Variants in TBP observed in about 807,000 individuals in gnomAD.
TBP encodes the protein TATA-box-binding protein.
Under a neutral mutation model 46.2 loss-of-function variants are expected in TBP, and 12 were observed. The observed-to-expected ratio is 0.26, with a 90% confidence interval of 0.17 to 0.42. The LOEUF (loss-of-function observed/expected upper bound fraction) is 0.42. Among genes scored for constraint, TBP ranks in the 10% least tolerant of loss-of-function variants. TBP has a pLI of 1.00. For missense variants in TBP, 229 were observed against 403.1 expected (o/e 0.57, Z 3.70); for synonymous variants, 157 against 148.3 (o/e 1.06, Z -0.42).
At chr6:170,565,395 G>A (rs989679881) in intron 4 of TBP, among the ~76,000 whole-genome samples, 3 of 152,188 alleles carry the variant, frequency 2.0e-5, no homozygotes, top group African/African-American at 7.2e-5. Context: ...AGTAGGCAAA[G>A]TAATTTGGAT....
chr6:170,557,809 T>G (rs1446622058), intron 2 of TBP, among the ~76,000 whole-genome samples: 1 of 151,870 alleles, frequency 6.6e-6, no homozygotes, highest in Non-Finnish European at 1.5e-5. Flanking sequence ...ATTTTAAGTG[T>G]CTGTTTTGAT....
chr6:170,572,337 A>G lies in TBP; in HGVS notation c.*72A>G. 8 of 1,219,190 alleles carry G rather than the reference A, an allele frequency of 6.6e-6. No individual in the cohort carries two copies. Among genetic ancestry groups the G allele is most frequent in the Non-Finnish European group, 9.4e-6 (8 of 848,860 alleles). The allele number at this position is 1,219,190 out of a possible 1,614,324, so 75.5% of individuals were successfully genotyped here. On this transcript the variant is annotated 3_prime_UTR_variant, in exon 8 of 8. Coordinates refer to ENST00000392092, the MANE Select transcript of TBP (RefSeq NM_003194.5). ...TTTAAACAAATCAGTTTGTTTTGGT[A>G]CCTTTAAATGGTGGTGTTGTGAGAA...
chr6:170,563,151 G>A (rs1279886533), intron 3 of TBP, among the ~76,000 whole-genome samples: 1 of 152,134 alleles, frequency 6.6e-6, no homozygotes, highest in Non-Finnish European at 1.5e-5. Context: ...TTTAGAGAGA[G>A]CCCTTTTTAG....
At chr6:170,571,092 C>A (rs542206881) in intron 6 of TBP, among the ~76,000 whole-genome samples, 4 of 152,180 alleles carry the variant, frequency 2.6e-5, no homozygotes, top group South Asian at 4.1e-4. Flanking sequence ...CATTAGATAT[C>A]ATTATATCTA....
At chr6:170,556,516 A>C (rs1265988601) in intron 1 of TBP, among the ~76,000 whole-genome samples, 1 of 152,212 alleles carries the variant, frequency 6.6e-6, no homozygotes, top group East Asian at 1.9e-4. Flanking sequence ...ACTTTGCCTA[A>C]CAGTGCTGTG....
intron 4 of TBP, 71 bp from the exon 5 acceptor site, chr6:170,566,844 TCAA>T: frequency 4.5e-6 from 6 of 1,324,654 alleles, no homozygotes; most frequent in Non-Finnish European, 5.3e-6. Context: ...GATTTTTTTG[TCAA>T]TGGGTGGTTC....
chr6:170,555,478 T>A (rs1779003314), intron 1 of TBP, among the ~76,000 whole-genome samples: 1 of 152,230 alleles, frequency 6.6e-6, no homozygotes, highest in African/African-American at 2.4e-5. Flanking sequence ...GCAGTGACCT[T>A]CTATACAGTC....
chr6:170,558,560 T>C (rs76856885), intron 2 of TBP, among the ~76,000 whole-genome samples: 1,901 of 152,306 alleles, frequency 0.012, 44 homozygotes, highest in African/African-American at 0.044. Context: ...ACCCAGCAAG[T>C]CTGTTGGCAT....
chr6:170,562,121 A>G lies in TBP; in HGVS notation c.385A>G (p.Thr129Ala), dbSNP rs1465545382. Residue 129 changes from threonine to alanine, a missense_variant, in exon 3 of 8, where the codon ACT (threonine) becomes GCT (alanine). Physicochemically the swap from Thr to Ala is moderately conservative, Grantham distance 58. Around this residue, in one of 4 missense-constraint regions of TBP, gnomAD observed 69 missense variants for 66.2 expected, o/e 1.04. Coordinates refer to ENST00000392092, the MANE Select transcript of TBP (RefSeq NM_003194.5). ...GCTCTTCCACTCACAGACTCTCACA[A>G]CTGCACCCTTGCCGGGCACCACTCC... Reference protein sequence around the residue: ...PQLFHSQTLTTAPLPGTTPLY... With the variant: ...PQLFHSQTLTAAPLPGTTPLY... The G allele has an allele frequency of 1.2e-6, 2 of 1,613,788 alleles. No individual in the cohort carries two copies. Among genetic ancestry groups the G allele is most frequent in the Non-Finnish European group, 1.7e-6 (2 of 1,179,946 alleles).
Position 170,571,398 on chromosome 6 carries a change from T to A in TBP, c.846-12T>A. Reference sequence around the variant, plus strand: ...CTCTTGATTTCTAAACTTTTTGCAATTTTCCTTCTAGTTATGAGCCAGAGT... The same window carrying A: ...CTCTTGATTTCTAAACTTTTTGCAAATTTCCTTCTAGTTATGAGCCAGAGT... On this transcript the variant is annotated splice_polypyrimidine_tract_variant and intron_variant, in intron 6 of 7. Coordinates refer to ENST00000392092, the MANE Select transcript of TBP (RefSeq NM_003194.5). The A allele has an allele frequency of 1.2e-6, 2 of 1,605,364 alleles. No homozygotes were observed. Among genetic ancestry groups the A allele is most frequent in the Non-Finnish European group, 1.7e-6 (2 of 1,174,682 alleles).
intron 1 of TBP, among the ~76,000 whole-genome samples, chr6:170,555,014 G>T (rs1778989056): frequency 6.6e-6 from 1 of 152,176 alleles, no homozygotes; most frequent in Admixed American, 6.5e-5. Context: ...AAAAGACTGT[G>T]CTTCATTTAG....
intron 6 of TBP, among the ~76,000 whole-genome samples, 179 bp downstream of exon 6, chr6:170,569,958 C>G (rs1779340363): frequency 6.6e-6 from 1 of 152,204 alleles, no homozygotes; most frequent in Non-Finnish European, 1.5e-5. Context: ...CCCTCACCAG[C>G]CTCTGCTTCC....
At chr6:170,560,481 G>A (rs929349391) in intron 2 of TBP, among the ~76,000 whole-genome samples, 1 of 152,204 alleles carries the variant, frequency 6.6e-6, no homozygotes. Context: ...GAAGCAGGGA[G>A]GGACATATGC....
chr6:170,570,817 A>C (rs1779353434), intron 6 of TBP, among the ~76,000 whole-genome samples: 1 of 152,086 alleles, frequency 6.6e-6, no homozygotes, highest in African/African-American at 2.4e-5. Flanking sequence ...TGGGCGACAC[A>C]GCAAGACTCC....
chr6:170,570,414 T>C (rs930552176), intron 6 of TBP, among the ~76,000 whole-genome samples: 1 of 152,224 alleles, frequency 6.6e-6, no homozygotes, highest in African/African-American at 2.4e-5. Context: ...TCCATATGTC[T>C]ACCCATTCCA....
chr6:170,569,765 C>T lies in TBP; in HGVS notation c.831C>T (p.His277=), dbSNP rs147582772. Residue 277 remains histidine, a synonymous_variant, in exon 6 of 8, where the codon CAC becomes CAT. Transcript: ENST00000392092. ...PIRLEGLVLT[H]QQFSSYEPEL... is the part of the protein sequence containing the mutation. ...GGTTAGAAGGCCTTGTGCTCACCCACCAACAATTTAGTAGGTAAGTCTGAA... is the reference window on the plus strand; with the variant it reads ...GGTTAGAAGGCCTTGTGCTCACCCATCAACAATTTAGTAGGTAAGTCTGAA... The T allele has an allele frequency of 1.6e-5, 25 of 1,612,418 alleles. No individual in the cohort carries two copies. The highest frequency in any genetic ancestry group is 1.6e-5 in the Non-Finnish European group (19 of 1,179,608).
chr6:170,570,912 A>G (rs1289523982), intron 6 of TBP, among the ~76,000 whole-genome samples: 1 of 152,194 alleles, frequency 6.6e-6, no homozygotes. Flanking sequence ...AGGCTAGTAT[A>G]TAAGTTTGAT....
chr6:170,557,285 A>G (rs1044777981), intron 2 of TBP, among the ~76,000 whole-genome samples: 1 of 152,200 alleles, frequency 6.6e-6, no homozygotes, highest in Admixed American at 6.5e-5. Flanking sequence ...GCTAAGTTAT[A>G]TATTTATGAA....
rs35269766 is a variant in TBP at position 170,557,735 on chromosome 6, CAAAAAAAAAAAA to C, written c.54+666_54+677del. 9.6e-3 allele frequency among the ~76,000 whole-genome samples: 497 copies of C among 52,024 alleles called. 5 individuals are homozygous for C. Among genetic ancestry groups the C allele is most frequent in the Non-Finnish European group, 9.5e-3 (272 of 28,496 alleles). 34.1% of individuals were successfully genotyped at this position (52,024 alleles called of 152,430 possible). ...TGGGAGACAGAGCGAGACTCTGTCTCAAAAAAAAAAAAAAAAAAAAAAAAATCAATAACTTTT... is the reference window on the plus strand; with the variant it reads ...TGGGAGACAGAGCGAGACTCTGTCTCAAAAAAAAAAAAATCAATAACTTTT... On this transcript the variant is annotated intron_variant, in intron 2 of 7. Coordinates refer to ENST00000392092, the MANE Select transcript of TBP (RefSeq NM_003194.5).
Sources: allele counts gnomAD v4.1 joint callset (sites outside exome capture counted in the v4.1 genomes callset), GRCh38; gene constraint gnomAD v4.1.1; regional missense constraint gnomAD v4.1.1; transcripts MANE v1.5; gene names NCBI Gene and HGNC (gene_info 2026-07-23, HGNC 2026-07-21).